The following EYS variants were observed in gnomAD, a reference collection of about 807,000 sequenced individuals.
EYS encodes the protein protein eyes shut homolog.
In EYS, 250 loss-of-function variants were observed where a neutral mutation model predicts 282.1. That is an observed-to-expected ratio of 0.89 (90% CI 0.80 to 0.98). The LOEUF is 0.98. Among genes scored for constraint, EYS ranks in the 50% least tolerant of loss-of-function variants. EYS has a pLI of 0.00. For missense variants in EYS, 4,016 were observed against 3,709.0 expected (o/e 1.08, Z -2.15); for synonymous variants, 1,355 against 1,282.9 (o/e 1.06, Z -1.20).
intron 19 of EYS, among the ~76,000 whole-genome samples, chr6:64,850,625 G>A (rs1334942878): frequency 6.6e-6 from 1 of 151,908 alleles, no homozygotes; most frequent in Non-Finnish European, 1.5e-5. Context: ...GAAAAGGTAG[G>A]CAGAACTTGT....
At chr6:65,412,897 G>A (rs185362449) in intron 5 of EYS, among the ~76,000 whole-genome samples, 1 of 152,174 alleles carries the variant, frequency 6.6e-6, no homozygotes, top group East Asian at 1.9e-4. Flanking sequence ...AGCTCTTGCA[G>A]TGATCCATCC....
chr6:65,067,527 T>G (rs1773782624), intron 12 of EYS, among the ~76,000 whole-genome samples: 1 of 152,068 alleles, frequency 6.6e-6, no homozygotes, highest in Non-Finnish European at 1.5e-5. Context: ...CAGAAATCAA[T>G]GGGTGTATCA....
chr6:64,036,438 A>G (rs1402598820), intron 33 of EYS, among the ~76,000 whole-genome samples: 1 of 152,230 alleles, frequency 6.6e-6, no homozygotes, highest in Non-Finnish European at 1.5e-5. Flanking sequence ...TGTTCCAGAC[A>G]TTAGTGACAT....
intron 31 of EYS, among the ~76,000 whole-genome samples, chr6:64,136,693 T>C (rs547022992): frequency 3.0e-4 from 45 of 152,142 alleles, no homozygotes; most frequent in Non-Finnish European, 6.2e-4. Context: ...GGAATCTTTT[T>C]TTCTGAGCAG....
intron 5 of EYS, among the ~76,000 whole-genome samples, chr6:65,477,091 T>C (rs2127250667): frequency 6.6e-6 from 1 of 152,306 alleles, no homozygotes; most frequent in South Asian, 2.1e-4. Flanking sequence ...GTCATATCAC[T>C]GAGTATCACA....
At chr6:65,119,728 A>C (rs1475898588) in intron 12 of EYS, among the ~76,000 whole-genome samples, 2 of 151,200 alleles carry the variant, frequency 1.3e-5, no homozygotes, top group African/African-American at 2.4e-5. Context: ...ATAGCTAGGC[A>C]TGGTGGTATA....
chr6:64,914,853 T>C (rs2150077997), intron 15 of EYS, among the ~76,000 whole-genome samples: 1 of 152,234 alleles, frequency 6.6e-6, no homozygotes, highest in Non-Finnish European at 1.5e-5. Flanking sequence ...GCTATCATGA[T>C]AATTGCACAT....
At chr6:65,640,178 A>G (rs1234440296) in intron 1 of EYS, among the ~76,000 whole-genome samples, 1 of 152,196 alleles carries the variant, frequency 6.6e-6, no homozygotes, top group African/African-American at 2.4e-5. Context: ...ATACAATAGT[A>G]CATTATTTAT....
At chr6:65,569,254 T>C (rs1362810031) in intron 2 of EYS, among the ~76,000 whole-genome samples, 1 of 151,990 alleles carries the variant, frequency 6.6e-6, no homozygotes, top group Non-Finnish European at 1.5e-5. Flanking sequence ...CCTTTGACTG[T>C]AATTTTCCTT....
At chr6:63,790,332 T>C (rs1490987746) in intron 37 of EYS, among the ~76,000 whole-genome samples, 1 of 152,156 alleles carries the variant, frequency 6.6e-6, no homozygotes, top group Admixed American at 6.6e-5. Context: ...GAGGTGGGCT[T>C]CCTGAGGCAC....
At position 65,240,051 on chromosome 6, in the gene EYS, C is replaced by T. The variant is rs185669681; in HGVS notation, c.2023+55812G>A. Among the ~76,000 whole-genome samples the T allele has an allele frequency of 8.1e-4, 123 of 151,888 alleles. 2 individuals are homozygous for T. The East Asian group carries it at 0.022, about 27-fold the overall frequency. On this transcript the variant is annotated intron_variant, in intron 12 of 42. Coordinates refer to ENST00000503581, the MANE Select transcript of EYS (RefSeq NM_001142800.2). Reference sequence around the variant, plus strand: ...TGGTGCCATCTCAGCTCACTGCAACCTCTGCCTCCTGGGTTCACACCATTC... The same window carrying T: ...TGGTGCCATCTCAGCTCACTGCAACTTCTGCCTCCTGGGTTCACACCATTC...
At chr6:65,353,319 A>T (rs1764356547) in intron 9 of EYS, 139 bp downstream of exon 9, 1 of 715,242 alleles carries the variant, frequency 1.4e-6, no homozygotes, top group Non-Finnish European at 2.3e-6. Context: ...TACATTAGAA[A>T]ATAAGAGTAT....
Position 64,027,334 on chromosome 6 carries a change from A to C in EYS, c.6726-28151T>G, listed in dbSNP as rs140740744. ...CCTCAAGTGGCTATGAGAGGCCTTA[A>C]GAAAATATACTCCCCTGTCACCTGA... is the stretch of plus-strand genomic sequence containing the variant. On this transcript the variant is annotated intron_variant, in intron 33 of 42. Coordinates refer to ENST00000503581, the MANE Select transcript of EYS (RefSeq NM_001142800.2). Among the ~76,000 whole-genome samples the C allele has an allele frequency of 9.6e-3, 1,469 of 152,308 alleles. 22 individuals carry two copies. Among genetic ancestry groups the C allele is most frequent in the African/African-American group, 0.034 (1,396 of 41,558 alleles).
intron 9 of EYS, 115 bp downstream of exon 9, chr6:65,353,343 A>T: frequency 1.2e-6 from 1 of 862,058 alleles, no homozygotes; most frequent in Non-Finnish European, 1.8e-6. Context: ...TTTTATTTTT[A>T]GTTTATATTA....
chr6:64,006,536 T>C (rs1171038305), intron 33 of EYS, among the ~76,000 whole-genome samples: 2 of 152,150 alleles, frequency 1.3e-5, no homozygotes, highest in Non-Finnish European at 2.9e-5. Flanking sequence ...TGGATGAAAG[T>C]GGTAAGAGTG....
At chr6:64,785,590 T>C (rs1773990168) in intron 22 of EYS, among the ~76,000 whole-genome samples, 1 of 152,194 alleles carries the variant, frequency 6.6e-6, no homozygotes, top group African/African-American at 2.4e-5. Context: ...AAAGAGATTG[T>C]TCTTAGGATC....
In EYS at chr6:64,283,975, G is replaced by T. The variant is rs564371903; in HGVS notation, c.6191+22995C>A. On this transcript the variant is annotated intron_variant, in intron 30 of 42. Coordinates refer to ENST00000503581, the MANE Select transcript of EYS (RefSeq NM_001142800.2). ...TGGGAATGATGGGAGTACAATTCAA[G>T]ATCAGATTTGGATGAGGACACAGAG... is the stretch of plus-strand genomic sequence containing the variant. Among the ~76,000 whole-genome samples, 314 of 152,224 alleles carry T rather than the reference G, an allele frequency of 2.1e-3. 1 individual carries two copies. The highest frequency in any genetic ancestry group is 3.3e-3 in the Non-Finnish European group (224 of 68,014).
chr6:65,507,268 G>C (rs1766694212), intron 2 of EYS, among the ~76,000 whole-genome samples: 1 of 152,062 alleles, frequency 6.6e-6, no homozygotes, highest in South Asian at 2.1e-4. Context: ...TATAGTTTCT[G>C]ATAAGAGGTG....
At chr6:63,835,058 G>T (rs1771765534) in intron 36 of EYS, among the ~76,000 whole-genome samples, 1 of 93,364 alleles carries the variant, frequency 1.1e-5, no homozygotes, top group Admixed American at 1.7e-4. Flanking sequence ...ATTGTAGGGT[G>T]GGGGGAGGGG....
Sources: allele counts gnomAD v4.1 joint callset (sites outside exome capture counted in the v4.1 genomes callset), GRCh38; gene constraint gnomAD v4.1.1; transcripts MANE v1.5; gene names NCBI Gene and HGNC (gene_info 2026-07-23, HGNC 2026-07-21).